Variants in RBFOX1 observed in about 807,000 individuals in gnomAD.
RBFOX1 encodes the protein RNA binding fox-1 homolog 1.
Under a neutral mutation model 57.7 loss-of-function variants are expected in RBFOX1, and 8 were observed. That is an observed-to-expected ratio of 0.14 (90% CI 0.08 to 0.25). The LOEUF (loss-of-function observed/expected upper bound fraction) is 0.25. Ranked by LOEUF, RBFOX1 falls within the 10% of genes least tolerant of loss-of-function variation. The probability of loss-of-function intolerance (pLI) is 1.00; values close to 1 mark genes in which losing one functional copy is unlikely to be tolerated. For synonymous variants in RBFOX1, 326 were observed against 222.4 expected, an observed-to-expected ratio of 1.47 and a Z score of -4.15; for missense variants, 611 against 548.5, an observed-to-expected ratio of 1.11 and a Z score of -1.14.
chr16:6,732,410 G>T (rs2068862506), intron 3 of RBFOX1, among the ~76,000 whole-genome samples: 1 of 152,214 alleles, frequency 6.6e-6, no homozygotes, highest in Non-Finnish European at 1.5e-5. Flanking sequence ...GACCTCTCTG[G>T]CCCAAGCACC....
At chr16:5,366,564 A>T in intron 1 of RBFOX1, 1 of 390,272 alleles carries the variant, frequency 2.6e-6, no homozygotes, top group South Asian at 2.1e-5. Context: ...AAATGCAAGC[A>T]AATATAGAAA....
Position 7,712,361 on chromosome 16 carries a change from G to T in RBFOX1, c.*1616G>T, listed in dbSNP as rs1386260179. 6.6e-6 allele frequency: 1 copy of T among 152,528 alleles called. No individual in the cohort carries two copies. The highest frequency in any genetic ancestry group is 1.5e-5 in the Non-Finnish European group (1 of 68,070). 9.4% of individuals were successfully genotyped at this position (152,528 alleles called of 1,614,324 possible). ...ACCGCTGTGAACCTGCCAATCCGCT[G>T]TAACAACTCTGCTTTAAAACAAAAC... On this transcript the variant is annotated 3_prime_UTR_variant, in exon 16 of 16. Transcript: ENST00000550418.
At chr16:5,420,262 G>A (rs1157983710) in intron 1 of RBFOX1, among the ~76,000 whole-genome samples, 1 of 152,146 alleles carries the variant, frequency 6.6e-6, no homozygotes, top group Non-Finnish European at 1.5e-5. Context: ...ATGTAGTTTG[G>A]TTGTTTTAGG....
chr16:6,354,620 T>G (rs1040178254), intron 2 of RBFOX1, among the ~76,000 whole-genome samples: 4 of 152,186 alleles, frequency 2.6e-5, no homozygotes, highest in African/African-American at 4.8e-5. Context: ...TTCCTGACTG[T>G]ATACTAGCTG....
intron 3 of RBFOX1, among the ~76,000 whole-genome samples, chr16:7,013,497 C>A (rs905663892): frequency 1.3e-5 from 2 of 152,152 alleles, no homozygotes; most frequent in Admixed American, 1.3e-4. Flanking sequence ...TCTAAATATC[C>A]TGCATTACAC....
chr16:7,213,567 A>T (rs1052792876), intron 4 of RBFOX1, among the ~76,000 whole-genome samples: 6 of 148,626 alleles, frequency 4.0e-5, no homozygotes, highest in Non-Finnish European at 9.0e-5. Context: ...CAAAAAAAAA[A>T]ACACAAACAA....
chr16:7,348,409 T>TA (rs951757331), intron 4 of RBFOX1, among the ~76,000 whole-genome samples: 1 of 149,368 alleles, frequency 6.7e-6, no homozygotes, highest in Non-Finnish European at 1.5e-5. Flanking sequence ...TTTTTTTTTT[T>TA]ACCTCATGAA....
intron 4 of RBFOX1, among the ~76,000 whole-genome samples, chr16:7,447,712 C>T (rs2098819798): frequency 1.3e-5 from 2 of 152,190 alleles, no homozygotes; most frequent in East Asian, 3.9e-4. Flanking sequence ...CTCTCACTAT[C>T]CTCTTCTTTT....
intron 3 of RBFOX1, among the ~76,000 whole-genome samples, chr16:6,662,225 G>C (rs1056627883): frequency 1.3e-5 from 2 of 152,094 alleles, no homozygotes; most frequent in Non-Finnish European, 2.9e-5. Context: ...ACAGTGATGA[G>C]AGTTTAATTA....
At chr16:7,072,384 T>A (rs1412165775) in intron 4 of RBFOX1, among the ~76,000 whole-genome samples, 2 of 152,290 alleles carry the variant, frequency 1.3e-5, no homozygotes, top group African/African-American at 4.8e-5. Flanking sequence ...GTTTACTTGG[T>A]CATGGTTTCT....
chr16:6,384,450 AT>A (rs1013098875), intron 2 of RBFOX1, among the ~76,000 whole-genome samples: 1 of 151,748 alleles, frequency 6.6e-6, no homozygotes, highest in Non-Finnish European at 1.5e-5. Context: ...TCTATCTTTC[AT>A]TTTTTTTCCC....
rs8050283 is a variant in RBFOX1, at chr16:5,960,897, C to T, written c.351+93562C>T. 9.4e-3 allele frequency among the ~76,000 whole-genome samples: 1,428 copies of T among 152,240 alleles called. 15 individuals are homozygous for T. The highest frequency in any genetic ancestry group is 0.025 in the Admixed American group (385 of 15,294). On this transcript the variant is annotated intron_variant, in intron 4 of 19. Coordinates refer to the RBFOX1 transcript ENST00000641259. Reference sequence around the variant, plus strand: ...TGATAGGCTGTTGACAGAGTGTTGACCATAAGCCCATTAAACAGAAGGTGG... The same window carrying T: ...TGATAGGCTGTTGACAGAGTGTTGATCATAAGCCCATTAAACAGAAGGTGG...
intron 4 of RBFOX1, among the ~76,000 whole-genome samples, chr16:7,369,122 G>C (rs565727917): frequency 2.0e-5 from 3 of 152,242 alleles, no homozygotes; most frequent in South Asian, 2.1e-4. Context: ...TCACAACTCA[G>C]CGTGGATTGG....
intron 4 of RBFOX1, among the ~76,000 whole-genome samples, chr16:7,265,490 C>G (rs145597375): frequency 6.6e-6 from 1 of 151,714 alleles, no homozygotes; most frequent in Admixed American, 6.6e-5. Flanking sequence ...GCTCTGTCAC[C>G]CAGGCTGGAG....
chr16:5,735,559 C>T (rs1006676467), intron 3 of RBFOX1, among the ~76,000 whole-genome samples: 6 of 152,178 alleles, frequency 3.9e-5, no homozygotes, highest in Admixed American at 2.0e-4. Flanking sequence ...TGTGGGTGTC[C>T]ATTACCTAAT....
At chr16:6,450,292 C>G (rs751705407) in intron 2 of RBFOX1, among the ~76,000 whole-genome samples, 5 of 152,038 alleles carry the variant, frequency 3.3e-5, no homozygotes, top group Non-Finnish European at 5.9e-5. Flanking sequence ...GTGAAGCTCC[C>G]GATAAAGAGA....
chr16:6,605,594 T>A lies in RBFOX1; in HGVS notation c.-63-49009T>A. On this transcript the variant is annotated intron_variant, in intron 2 of 15. Coordinates refer to ENST00000550418, the MANE Select transcript of RBFOX1 (RefSeq NM_018723.4). ...AATCTCTCATTTTTACTTGTGCTGC[T>A]ACTTTACATGTAGTGACTTCAAGTA... Among the ~76,000 whole-genome samples the A allele has an allele frequency of 1.3e-5, 2 of 152,230 alleles. 1 individual carries two copies. Among genetic ancestry groups the A allele is most frequent in the Non-Finnish European group, 2.9e-5 (2 of 68,052 alleles).
intron 3 of RBFOX1, among the ~76,000 whole-genome samples, chr16:7,007,559 C>A (rs1002445666): frequency 1.3e-5 from 2 of 152,056 alleles, no homozygotes; most frequent in East Asian, 3.9e-4. Context: ...CATAAATTTG[C>A]CTACTGTACA....
chr16:5,419,010 A>C (rs1049372878), intron 1 of RBFOX1, among the ~76,000 whole-genome samples: 1 of 152,198 alleles, frequency 6.6e-6, no homozygotes, highest in Non-Finnish European at 1.5e-5. Flanking sequence ...TAGGCCAGAG[A>C]GAGCAAGGTG....
Sources: gnomAD v4.1 joint callset for allele counts (sites outside exome capture counted in the v4.1 genomes callset) on GRCh38, gnomAD v4.1.1 for gene constraint, MANE v1.5 for transcripts, NCBI Gene and HGNC (gene_info 2026-07-23, HGNC 2026-07-21) for gene names.